Variants in SLC14A2 observed in about 807,000 individuals in gnomAD.
SLC14A2 encodes the protein urea transporter 2.
Under a neutral mutation model 104.6 loss-of-function variants are expected in SLC14A2, and 91 were observed. The observed-to-expected ratio is 0.87, with a 90% CI of 0.73 to 1.04. The LOEUF is 1.04. Among genes scored for constraint, SLC14A2 ranks in the 50% least tolerant of loss-of-function variants. SLC14A2 has a pLI of 0.00. For synonymous variants in SLC14A2, 476 were observed against 466.4 expected (o/e 1.02, Z -0.27); for missense variants, 1,189 against 1,156.0 (o/e 1.03, Z -0.41).
At chr18:45,226,144 G>A (rs1354661064) in intron 1 of SLC14A2, among the ~76,000 whole-genome samples, 2 of 152,138 alleles carry the variant, frequency 1.3e-5, no homozygotes, top group South Asian at 2.1e-4. Context: ...AGTTAGAATG[G>A]CAATCATTAA....
At chr18:45,425,339 G>A (rs966928862) in intron 1 of SLC14A2, among the ~76,000 whole-genome samples, 3 of 152,114 alleles carry the variant, frequency 2.0e-5, no homozygotes, top group African/African-American at 7.2e-5. Context: ...ATTTGATGAG[G>A]GCACCAGTCC....
chr18:45,277,311 C>G (rs1190502993), intron 1 of SLC14A2, among the ~76,000 whole-genome samples: 1 of 152,120 alleles, frequency 6.6e-6, no homozygotes, highest in Admixed American at 6.5e-5. Flanking sequence ...AAAAAAAGCC[C>G]AACACATTAT....
At chr18:45,577,643 G>T (rs2044434394) in intron 2 of SLC14A2, among the ~76,000 whole-genome samples, 1 of 152,122 alleles carries the variant, frequency 6.6e-6, no homozygotes, top group Non-Finnish European at 1.5e-5. Flanking sequence ...TGCTAGACAG[G>T]GTGATACTGT....
intron 10 of SLC14A2, among the ~76,000 whole-genome samples, chr18:45,649,491 C>G (rs2045692561): frequency 6.6e-6 from 1 of 152,232 alleles, no homozygotes; most frequent in Non-Finnish European, 1.5e-5. Context: ...CCCAGCCATT[C>G]TATCATCCAT....
At chr18:45,678,946 A>ATTTC in intron 18 of SLC14A2, 29 bp from the exon 19 acceptor site, 3 of 1,439,674 alleles carry the variant, frequency 2.1e-6, no homozygotes, top group South Asian at 1.2e-5. Context: ...TTACTGGTCT[A>ATTTC]TTTCTTTCTT....
chr18:45,347,139 T>G (rs1374044415), intron 1 of SLC14A2, among the ~76,000 whole-genome samples: 2 of 152,084 alleles, frequency 1.3e-5, no homozygotes, highest in Non-Finnish European at 2.9e-5. Flanking sequence ...GCCGATCACT[T>G]CAGCTCAGGA....
chr18:45,644,036 C>G lies in SLC14A2; in HGVS notation c.1227C>G (p.Phe409Leu). 6.2e-7 allele frequency: 1 copy of G among 1,614,238 alleles called. No individual in the cohort carries two copies. Among genetic ancestry groups the G allele is most frequent in the East Asian group, 2.2e-5 (1 of 44,890 alleles). Residue 409 changes from phenylalanine (F) to leucine (L), a missense_variant, in exon 10 of 20, where the codon TTC becomes TTG. By Grantham distance (22) the Phe-to-Leu change is conservative. Coordinates refer to ENST00000255226, the MANE Select transcript of SLC14A2 (RefSeq NM_007163.4). ...TWAFCLATII[F>L]LLLTTNNPAI... is the part of the protein sequence containing the mutation. ...CCTTCTGCCTTGCCACCATCATCTT[C>G]CTGCTCCTGACGACAAACAACCCAG...
chr18:45,328,112 C>T (rs2085254304), intron 1 of SLC14A2, among the ~76,000 whole-genome samples: 2 of 152,148 alleles, frequency 1.3e-5, no homozygotes, highest in South Asian at 4.2e-4. Flanking sequence ...GGATTTTCCT[C>T]CTGGAACAAA....
intron 1 of SLC14A2, among the ~76,000 whole-genome samples, chr18:45,321,775 T>C (rs912840870): frequency 2.0e-5 from 3 of 152,154 alleles, no homozygotes; most frequent in Non-Finnish European, 4.4e-5. Context: ...CGAGCAGTCA[T>C]CCACTATTTT....
At chr18:45,537,578 C>T (rs556480009) in intron 2 of SLC14A2, among the ~76,000 whole-genome samples, 5 of 152,258 alleles carry the variant, frequency 3.3e-5, no homozygotes, top group Admixed American at 2.6e-4. Context: ...GAACAGAAGA[C>T]AGCTTTGTAG....
At chr18:45,617,354 A>G (rs556888370) in intron 1 of SLC14A2, among the ~76,000 whole-genome samples, 1 of 152,166 alleles carries the variant, frequency 6.6e-6, no homozygotes, top group African/African-American at 2.4e-5. Context: ...CCCCTGGCCC[A>G]CTGGCCACCA....
chr18:45,278,115 G>A (rs1425609767), intron 1 of SLC14A2, among the ~76,000 whole-genome samples: 1 of 152,152 alleles, frequency 6.6e-6, no homozygotes, highest in Non-Finnish European at 1.5e-5. Context: ...ATATGGTATT[G>A]ACAAAGAGCT....
chr18:45,211,796 T>C (rs1423778922), upstream of SLC14A2, among the ~76,000 whole-genome samples: 1 of 152,196 alleles, frequency 6.6e-6, no homozygotes, highest in Non-Finnish European at 1.5e-5. Flanking sequence ...ATTAAAAGGC[T>C]GATGCCCAAA....
At chr18:45,640,383 C>T (rs1315938729) in intron 7 of SLC14A2, among the ~76,000 whole-genome samples, 6 of 152,008 alleles carry the variant, frequency 3.9e-5, no homozygotes, top group African/African-American at 1.2e-4. Context: ...GGGGTAGGGG[C>T]GGGAGCAGTA....
At chr18:45,405,897 GAAAA>G (rs11315024) in intron 1 of SLC14A2, among the ~76,000 whole-genome samples, 2 of 129,254 alleles carry the variant, frequency 1.5e-5, no homozygotes, top group African/African-American at 2.8e-5. Context: ...ACTCCATCTC[GAAAA>G]AAAAAAAAAA....
rs1462879316 is a variant in SLC14A2, at chr18:45,683,002, G to A, written c.*483G>A. The A allele has an allele frequency of 5.4e-5, 9 of 167,100 alleles. No individual in the cohort carries two copies. The South Asian group carries it at 1.3e-3, about 24-fold the overall frequency. 10.4% of individuals were successfully genotyped at this position (167,100 alleles called of 1,614,324 possible). On this transcript the variant is annotated 3_prime_UTR_variant, in exon 20 of 20. Transcript: ENST00000255226. The stretch of plus-strand genomic sequence containing the variant: ...CCAGCTACTTGGGAGGCTGAGGCAG[G>A]AGAATGGCGTGAACCCGGGAGGTGG...
chr18:45,672,939 G>T lies in SLC14A2; in HGVS notation c.2269G>T (p.Gly757Cys). ...CCCCGTTGGAATTGGCCAAGTGTAC[G>T]GCTGTGATAACCCCTGGACTGGAGG... is the stretch of plus-strand genomic sequence containing the variant. ...AIPVGIGQVY[G>C]CDNPWTGGIF... Residue 757 changes from glycine (G) to cysteine (C), a missense_variant, in exon 17 of 20, where the codon GGC becomes TGC. Coordinates refer to ENST00000255226, the MANE Select transcript of SLC14A2 (RefSeq NM_007163.4). 2 of 1,614,062 alleles carry T rather than the reference G, an allele frequency of 1.2e-6. No individual in the cohort carries two copies. Among genetic ancestry groups the T allele is most frequent in the Non-Finnish European group, 1.7e-6 (2 of 1,179,992 alleles).
chr18:45,188,635 C>A, the SLC14A2 span, among the ~76,000 whole-genome samples: 1 of 152,146 alleles, frequency 6.6e-6, no homozygotes, highest in East Asian at 1.9e-4. Context: ...TTTTCTTTCA[C>A]CTTCTCCCAG....
chr18:45,427,001 C>A lies in SLC14A2; in HGVS notation c.-124-56232C>A, dbSNP rs567282815. On this transcript the variant is annotated intron_variant, in intron 1 of 20. Coordinates refer to the SLC14A2 transcript ENST00000586448. ...GCCAATTTTTTTCATCTTTTCTCAA[C>A]ATAGAGTTGGGGAAATATTTGTATT... Among the ~76,000 whole-genome samples the A allele has an allele frequency of 1.9e-3, 289 of 152,212 alleles. 2 individuals carry two copies. The highest frequency in any genetic ancestry group is 6.5e-3 in the African/African-American group (272 of 41,534).
Sources: gnomAD v4.1 joint callset for allele counts (sites outside exome capture counted in the v4.1 genomes callset) on GRCh38, gnomAD v4.1.1 for gene constraint, MANE v1.5 for transcripts, NCBI Gene and HGNC (gene_info 2026-07-23, HGNC 2026-07-21) for gene names.